The following WNT9A variants were observed in gnomAD, a reference collection of about 807,000 sequenced individuals.
The protein encoded by WNT9A is protein Wnt-9a.
In WNT9A, 8 loss-of-function variants were observed where a neutral mutation model predicts 31.4. The observed-to-expected ratio is 0.26, with a 90% CI of 0.15 to 0.46. The LOEUF (loss-of-function observed/expected upper bound fraction) is 0.46. Among genes scored for constraint, WNT9A ranks in the 20% least tolerant of loss-of-function variants. The probability of loss-of-function intolerance (pLI) is 0.99; values close to 1 mark genes in which losing one functional copy is unlikely to be tolerated. For synonymous variants in WNT9A, 236 were observed against 220.1 expected (o/e 1.07, Z -0.64); for missense variants, 457 against 522.9 (o/e 0.87, Z 1.23).
intron 1 of WNT9A, among the ~76,000 whole-genome samples, chr1:227,944,638 G>T (rs1412355248): frequency 6.6e-6 from 1 of 152,122 alleles, no homozygotes; most frequent in African/African-American, 2.4e-5. Context: ...TTCCAGCCCC[G>T]ATGGCTGGCT....
intron 1 of WNT9A, among the ~76,000 whole-genome samples, chr1:227,938,528 C>G (rs374292200): frequency 2.0e-4 from 31 of 152,154 alleles, no homozygotes; most frequent in African/African-American, 7.2e-4. Flanking sequence ...TGTGTACACA[C>G]AGACACACCC....
chr1:227,942,854 C>T lies in WNT9A; in HGVS notation c.95+4939G>A, dbSNP rs919831477. 9.2e-5 allele frequency among the ~76,000 whole-genome samples: 14 copies of T among 152,304 alleles called. No individual in the cohort carries two copies. The highest frequency in any genetic ancestry group is 1.3e-4 in the Non-Finnish European group (9 of 68,012). On this transcript the variant is annotated intron_variant, in intron 1 of 3. Transcript: ENST00000272164. The surrounding 1 kb of genome is among the most constrained non-coding windows in gnomAD (Gnocchi z 5.7). The stretch of plus-strand genomic sequence containing the variant: ...CAGTGCTCAGAGCACCCGACCCAGG[C>T]CCCAGCCATGGGGTCACCCCAGATG...
Position 227,921,267 on chromosome 1 carries a change from C to T in WNT9A, c.*251G>A. ...GGATTCAGCCTTGGCAGGTGTAGGC[C>T]CATTCATGCTCTGTGCAATGCCTGC... On this transcript the variant is annotated 3_prime_UTR_variant, in exon 4 of 4. Transcript: ENST00000272164. 1.8e-6 allele frequency: 1 copy of T among 547,742 alleles called. No individual in the cohort carries two copies. Among genetic ancestry groups the T allele is most frequent in the Non-Finnish European group, 3.2e-6 (1 of 317,366 alleles). The allele number at this position is 547,742 out of a possible 1,614,324, so 33.9% of individuals were successfully genotyped here.
chr1:227,934,028 T>C (rs1361914262), intron 1 of WNT9A, among the ~76,000 whole-genome samples: 6 of 152,178 alleles, frequency 3.9e-5, no homozygotes, highest in Non-Finnish European at 8.8e-5. Context: ...AGAACATCCC[T>C]CCTCTTAAGG....
chr1:227,934,227 C>T (rs1666554401), intron 1 of WNT9A, among the ~76,000 whole-genome samples: 1 of 152,232 alleles, frequency 6.6e-6, no homozygotes, highest in Non-Finnish European at 1.5e-5. Flanking sequence ...TGCTGGGTCA[C>T]AGGGAAACTC....
Position 227,921,471 on chromosome 1 carries a change from G to A in WNT9A, c.*47C>T. The stretch of plus-strand genomic sequence containing the variant: ...TGCAGGTGTAGACCCTTCACACCGT[G>A]TGCAATGCCTGCACCCTGTGCAGCA... On this transcript the variant is annotated 3_prime_UTR_variant, in exon 4 of 4. Coordinates refer to ENST00000272164, the MANE Select transcript of WNT9A (RefSeq NM_003395.4). The A allele has an allele frequency of 1.9e-6, 3 of 1,571,992 alleles. No individual in the cohort carries two copies. The highest frequency in any genetic ancestry group is 2.6e-6 in the Non-Finnish European group (3 of 1,157,276).
At position 227,925,221 on chromosome 1, in the gene WNT9A, C is replaced by A; in HGVS notation, c.352+42G>T. The A allele has an allele frequency of 6.7e-7, 1 of 1,487,430 alleles. No homozygotes were observed. Among genetic ancestry groups the A allele is most frequent in the East Asian group, 2.4e-5 (1 of 40,834 alleles). 92.1% of individuals were successfully genotyped at this position (1,487,430 alleles called of 1,614,324 possible). Reference sequence around the variant, plus strand: ...GATATGGACAAGGCCTGGGCTGCCACCTGTCTGGGGCCTTCCTGAGGGCCA... The same window carrying A: ...GATATGGACAAGGCCTGGGCTGCCAACTGTCTGGGGCCTTCCTGAGGGCCA... On this transcript the variant is annotated intron_variant, in intron 2 of 3. Coordinates refer to ENST00000272164, the MANE Select transcript of WNT9A (RefSeq NM_003395.4). The surrounding 1 kb of genome is among the most constrained non-coding windows in gnomAD (Gnocchi z 6.0).
rs55730500 is a variant in WNT9A, at chr1:227,919,722, C to CACACACACACACACACAG, written c.*1795_*1796insCTGTGTGTGTGTGTGTGT. ...ACACACACACACACACACACACACACAGACCATGCCAGCATGCATTTATAC... is the reference window on the plus strand; with the variant it reads ...ACACACACACACACACACACACACACACACACACACACACACAGAGACCATGCCAGCATGCATTTATAC... On this transcript the variant is annotated 3_prime_UTR_variant, in exon 4 of 4. Transcript: ENST00000272164. 6.9e-6 allele frequency: 1 copy of CACACACACACACACACAG among 145,658 alleles called. No homozygotes were observed. The highest frequency in any genetic ancestry group is 2.6e-5 in the African/African-American group (1 of 38,394). 9.0% of individuals were successfully genotyped at this position (145,658 alleles called of 1,614,324 possible).
At chr1:227,945,111 C>T (rs1666774452) in intron 1 of WNT9A, among the ~76,000 whole-genome samples, 2 of 152,228 alleles carry the variant, frequency 1.3e-5, no homozygotes, top group African/African-American at 4.8e-5. Flanking sequence ...AAACCACAAC[C>T]CAGCAAGGGC....
chr1:227,935,726 C>A (rs1378726314), intron 1 of WNT9A, among the ~76,000 whole-genome samples: 2 of 152,134 alleles, frequency 1.3e-5, no homozygotes, highest in Non-Finnish European at 2.9e-5. Context: ...ATCCTCTTTT[C>A]CTCTTTTTGG....
chr1:227,944,725 G>A (rs993253961), intron 1 of WNT9A, among the ~76,000 whole-genome samples: 4 of 152,230 alleles, frequency 2.6e-5, no homozygotes. Context: ...CAGGCCTCCA[G>A]GCTACTGAGG....
intron 1 of WNT9A, among the ~76,000 whole-genome samples, chr1:227,937,044 A>G (rs1406437821): frequency 6.6e-6 from 1 of 152,058 alleles, no homozygotes. Flanking sequence ...TACTCTGGGT[A>G]ATTTCTTCTG....
At chr1:227,930,776 T>C (rs1666497951) in intron 1 of WNT9A, among the ~76,000 whole-genome samples, 1 of 152,128 alleles carries the variant, frequency 6.6e-6, no homozygotes. Context: ...ATCCCAATGC[T>C]TTGGGAGGCC....
rs906953621 is a variant in WNT9A at position 227,940,787 on chromosome 1, G to A, written c.95+7006C>T. Among the ~76,000 whole-genome samples, 8 of 152,244 alleles carry A rather than the reference G, an allele frequency of 5.3e-5. No homozygotes were observed. The East Asian group carries it at 5.8e-4, about 11-fold the overall frequency. ...GCTGCAACTGCCAGCTGGACAGCTGGGCTTCCTCTGGCGGGCAGCGGCGCC... is the reference window on the plus strand; with the variant it reads ...GCTGCAACTGCCAGCTGGACAGCTGAGCTTCCTCTGGCGGGCAGCGGCGCC... On this transcript the variant is annotated intron_variant, in intron 1 of 3. Coordinates refer to ENST00000272164, the MANE Select transcript of WNT9A (RefSeq NM_003395.4).
intron 2 of WNT9A, among the ~76,000 whole-genome samples, 180 bp from the exon 3 acceptor site, chr1:227,924,580 G>A (rs957163099): frequency 3.3e-5 from 5 of 152,204 alleles, no homozygotes; most frequent in South Asian, 2.1e-4. Flanking sequence ...GGAAACGCCT[G>A]GGTGTCCCAG....
intron 2 of WNT9A, among the ~76,000 whole-genome samples, chr1:227,924,679 T>G (rs1404940469): frequency 1.3e-5 from 2 of 152,140 alleles, no homozygotes; most frequent in Non-Finnish European, 2.9e-5. Flanking sequence ...GTCTCGAACC[T>G]CCCAGCCTCA....
rs1031182339 is a variant in WNT9A, at chr1:227,925,872, G to C, written c.96-353C>G. Among the ~76,000 whole-genome samples, 1 of 152,114 alleles carries C rather than the reference G, an allele frequency of 6.6e-6. No individual in the cohort carries two copies. Among genetic ancestry groups the C allele is most frequent in the African/African-American group, 2.4e-5 (1 of 41,438 alleles). ...GAGGACAGCCCCGCCTAGGGCTGTGGGCAGGGAGGAGGCTCCGGAGCCTGA... is the reference window on the plus strand; with the variant it reads ...GAGGACAGCCCCGCCTAGGGCTGTGCGCAGGGAGGAGGCTCCGGAGCCTGA... On this transcript the variant is annotated intron_variant, in intron 1 of 3. Coordinates refer to ENST00000272164, the MANE Select transcript of WNT9A (RefSeq NM_003395.4). The surrounding 1 kb of genome is among the most constrained non-coding windows in gnomAD (Gnocchi z 6.0).
At chr1:227,932,515 G>A (rs1666530087) in intron 1 of WNT9A, among the ~76,000 whole-genome samples, 1 of 152,102 alleles carries the variant, frequency 6.6e-6, no homozygotes, top group Non-Finnish European at 1.5e-5. Flanking sequence ...CTCCTCCCAC[G>A]AATCATGAAT....
At chr1:227,922,659 G>T (rs946107121) in intron 3 of WNT9A, among the ~76,000 whole-genome samples, 11 of 152,078 alleles carry the variant, frequency 7.2e-5, no homozygotes, top group Non-Finnish European at 1.6e-4. Flanking sequence ...CCCAGAGGGG[G>T]GTGCACCCCT....
Sources: gnomAD v4.1 joint callset for allele counts (sites outside exome capture counted in the v4.1 genomes callset) on GRCh38, gnomAD v4.1.1 for gene constraint, Gnocchi (gnomAD v3.1) non-coding constraint, MANE v1.5 for transcripts, NCBI Gene and HGNC (gene_info 2026-07-23, HGNC 2026-07-21) for gene names.